Variants in ATXN7 observed in about 807,000 individuals in gnomAD.
ATXN7 encodes the protein ataxin-7.
ATXN7 carries 12 observed loss-of-function variants against 70.5 expected under a neutral mutation model. That is an observed-to-expected ratio of 0.17 (90% CI 0.11 to 0.28). The LOEUF (loss-of-function observed/expected upper bound fraction) is 0.28, where lower values mean the gene tolerates loss of function less well. Ranked by LOEUF, ATXN7 falls within the 10% of genes least tolerant of loss-of-function variation. ATXN7 has a pLI of 1.00. For missense variants in ATXN7, 1,256 were observed against 1,131.7 expected (o/e 1.11, Z -1.58); for synonymous variants, 498 against 448.7 (o/e 1.11, Z -1.39).
At chr3:63,984,197 A>C (rs566987788) in intron 8 of ATXN7, among the ~76,000 whole-genome samples, 145 of 151,432 alleles carry the variant, frequency 9.6e-4, no homozygotes, top group African/African-American at 3.4e-3. Flanking sequence ...AGTACCTTTA[A>C]ATATCTCATT....
rs988675623 is a variant in ATXN7, at chr3:63,885,588, T to C, written c.-110-12811T>C. Among the ~76,000 whole-genome samples the C allele has an allele frequency of 2.0e-5, 3 of 152,320 alleles. No homozygotes were observed. In the East Asian group the frequency reaches 5.8e-4, roughly 29 times the overall value. On this transcript the variant is annotated intron_variant, in intron 1 of 12. Transcript: ENST00000674280. ...GAACTATATGACCCATCAGTCCTAC[T>C]TCTGCATATATATCCAAAGGAAATC...
intron 12 of ATXN7, chr3:63,998,204 G>GGC (rs888832362): frequency 2.1e-6 from 2 of 964,706 alleles, no homozygotes; most frequent in East Asian, 1.4e-4. Flanking sequence ...GACAGAAGGG[G>GGC]GGGGGGCCAG....
intron 1 of ATXN7, among the ~76,000 whole-genome samples, chr3:63,887,983 T>C (rs1703139259): frequency 6.6e-6 from 1 of 152,098 alleles, no homozygotes; most frequent in African/African-American, 2.4e-5. Context: ...ACCTACTCCT[T>C]TGTAAGATAC....
chr3:63,899,929 A>T (rs551263642), intron 2 of ATXN7, among the ~76,000 whole-genome samples: 3 of 152,218 alleles, frequency 2.0e-5, no homozygotes, highest in East Asian at 1.9e-4. Context: ...AAAAAAATTT[A>T]AAAAATTAGT....
intron 12 of ATXN7, 71 bp downstream of exon 12, chr3:63,996,554 A>G: frequency 6.5e-7 from 1 of 1,531,044 alleles, no homozygotes; most frequent in Admixed American, 2.0e-5. Flanking sequence ...TCAGCTCAGA[A>G]ATGTGTTTGG....
At chr3:63,971,677 A>G (rs1310498990) in intron 5 of ATXN7, among the ~76,000 whole-genome samples, 2 of 152,114 alleles carry the variant, frequency 1.3e-5, no homozygotes, top group African/African-American at 4.8e-5. Context: ...ATATATACAT[A>G]TATATATAAA....
intron 1 of ATXN7, among the ~76,000 whole-genome samples, chr3:63,895,805 C>G (rs1021627629): frequency 3.3e-5 from 5 of 151,050 alleles, no homozygotes; most frequent in African/African-American, 9.8e-5. Context: ...CTCTCTGTGT[C>G]TCTCTCTCTC....
At chr3:63,942,883 C>T (rs1267097027) in intron 4 of ATXN7, among the ~76,000 whole-genome samples, 1 of 152,108 alleles carries the variant, frequency 6.6e-6, no homozygotes, top group African/African-American at 2.4e-5. Flanking sequence ...AGTAACTTGC[C>T]CAAGGGTCAT....
intron 1 of ATXN7, among the ~76,000 whole-genome samples, chr3:63,881,499 T>C (rs1702908034): frequency 6.7e-6 from 1 of 150,292 alleles, no homozygotes; most frequent in African/African-American, 2.5e-5. Context: ...TTTTTTTTTT[T>C]TTTTTTTGAG....
intron 4 of ATXN7, among the ~76,000 whole-genome samples, chr3:63,919,396 G>C (rs1407557019): frequency 6.6e-6 from 1 of 152,118 alleles, no homozygotes; most frequent in Admixed American, 6.5e-5. Context: ...AACCCAATCT[G>C]CAGAATCGCA....
At chr3:63,903,386 CAAAAAAAAAA>C (rs775558434) in intron 2 of ATXN7, among the ~76,000 whole-genome samples, 1 of 49,588 alleles carries the variant, frequency 2.0e-5, no homozygotes, top group Non-Finnish European at 3.9e-5. Context: ...GACTCCGTCT[CAAAAAAAAAA>C]AAAAAAAAAA....
At chr3:63,967,496 G>A (rs952536480) in intron 5 of ATXN7, among the ~76,000 whole-genome samples, 3 of 152,026 alleles carry the variant, frequency 2.0e-5, no homozygotes, top group Non-Finnish European at 2.9e-5. Context: ...TAGGTCTACC[G>A]AGACTTAAAA....
At position 63,990,313 on chromosome 3, in the gene ATXN7, A is replaced by C; in HGVS notation, c.1499A>C (p.Lys500Thr). 6.2e-7 allele frequency: 1 copy of C among 1,614,082 alleles called. No homozygotes were observed. Among genetic ancestry groups the C allele is most frequent in the Non-Finnish European group, 8.5e-7 (1 of 1,180,026 alleles). ...AGTGAGGAGGGCGAAGGCGATGACA[A>C]AGAAGAGTCTGTTGAAAAACTGGAC... The part of the protein sequence containing the change: ...LSSEEGEGDD[K>T]EESVEKLDCH... The change falls in exon 10 of 13, where the codon AAA (lysine) becomes ACA (threonine). Residue 500 changes from lysine to threonine, a missense_variant. Coordinates refer to ENST00000674280, the MANE Select transcript of ATXN7 (RefSeq NM_001377405.1).
chr3:63,898,774 T>A (rs887486076), intron 2 of ATXN7, among the ~76,000 whole-genome samples: 8 of 152,180 alleles, frequency 5.3e-5, no homozygotes, highest in African/African-American at 1.9e-4. Flanking sequence ...AGTTATAGAA[T>A]CCTCCTTCTT....
rs538902332 is a variant in ATXN7, at chr3:63,940,048, A to G, written c.395-12331A>G. Among the ~76,000 whole-genome samples the G allele has an allele frequency of 1.3e-5, 2 of 152,220 alleles. 1 individual carries two copies. The highest frequency in any genetic ancestry group is 3.9e-4 in the East Asian group (2 of 5,178). The stretch of plus-strand genomic sequence containing the variant: ...ACTGGGGCTAAGAAGAGGCTGACCA[A>G]AAAAGTAAATAGGAAACACTGGGGA... On this transcript the variant is annotated intron_variant, in intron 4 of 12. Transcript: ENST00000674280.
chr3:63,977,474 A>G (rs73834158), intron 5 of ATXN7, among the ~76,000 whole-genome samples: 113 of 152,318 alleles, frequency 7.4e-4, no homozygotes, highest in African/African-American at 2.6e-3. Context: ...TATCACAGAC[A>G]TGCTGTTCCT....
In ATXN7 at chr3:63,975,562, G is replaced by A. The variant is rs180693187; in HGVS notation, c.500-4353G>A. Among the ~76,000 whole-genome samples the A allele has an allele frequency of 6.6e-4, 100 of 152,168 alleles. 1 individual carries two copies. The East Asian group carries it at 0.016, about 24-fold the overall frequency. On this transcript the variant is annotated intron_variant, in intron 5 of 12. Coordinates refer to ENST00000674280, the MANE Select transcript of ATXN7 (RefSeq NM_001377405.1). ...GCCCTAATTTTGACAGTTGCTCACT[G>A]TAAATTATTTTTAGTTGTTTTCAAA...
chr3:63,964,350 G>T (rs549865729), intron 5 of ATXN7, among the ~76,000 whole-genome samples: 1 of 152,070 alleles, frequency 6.6e-6, no homozygotes, highest in East Asian at 1.9e-4. Context: ...CCTCCTAGAG[G>T]ATCATAATTT....
intron 2 of ATXN7, among the ~76,000 whole-genome samples, chr3:63,907,479 T>G (rs1703876963): frequency 8.0e-6 from 1 of 125,618 alleles, no homozygotes; most frequent in Admixed American, 8.3e-5. Context: ...TTTTTTTTTG[T>G]AACAGGGTCT....
Sources: gnomAD v4.1 joint callset for allele counts (sites outside exome capture counted in the v4.1 genomes callset) on GRCh38, gnomAD v4.1.1 for gene constraint, MANE v1.5 for transcripts, NCBI Gene and HGNC (gene_info 2026-07-23, HGNC 2026-07-21) for gene names.